PTBP2: variants seen among roughly 807,000 people sequenced by gnomAD.
The protein encoded by PTBP2 is polypyrimidine tract-binding protein 2.
PTBP2 carries 13 observed loss-of-function variants against 61.4 expected under a neutral mutation model. That is an observed-to-expected ratio of 0.21 (90% CI 0.14 to 0.34). The LOEUF (loss-of-function observed/expected upper bound fraction) is 0.34. Ranked by LOEUF, PTBP2 falls within the 10% of genes least tolerant of loss-of-function variation. The probability of loss-of-function intolerance (pLI) is 1.00; values close to 1 mark genes in which losing one functional copy is unlikely to be tolerated. For missense variants in PTBP2, 405 were observed against 642.6 expected, an observed-to-expected ratio of 0.63 and a Z score of 4.00; for synonymous variants, 215 against 218.5, an observed-to-expected ratio of 0.98 and a Z score of 0.14.
rs551450168 is a variant in PTBP2, at chr1:96,723,936, T to C, written c.39+342T>C. ...GGTAAGTGGTTTGACCTATATCTTATAATTTTGTTAATCTAAGTTTTTTGT... is the reference window on the plus strand; with the variant it reads ...GGTAAGTGGTTTGACCTATATCTTACAATTTTGTTAATCTAAGTTTTTTGT... On this transcript the variant is annotated intron_variant, in intron 2 of 13. Coordinates refer to ENST00000674951, the MANE Select transcript of PTBP2 (RefSeq NM_021190.4). Among the ~76,000 whole-genome samples the C allele has an allele frequency of 2.0e-5, 3 of 152,370 alleles. No individual in the cohort carries two copies. The South Asian group carries it at 6.2e-4, about 32-fold the overall frequency.
intron 8 of PTBP2, among the ~76,000 whole-genome samples, chr1:96,801,649 G>T (rs1393390075): frequency 6.6e-6 from 1 of 151,724 alleles, no homozygotes; most frequent in African/African-American, 2.4e-5. Context: ...GAGGTCAGGA[G>T]TTCAAGACCA....
At chr1:96,750,444 TATTTA>T (rs1380299852) in intron 2 of PTBP2, among the ~76,000 whole-genome samples, 3 of 151,950 alleles carry the variant, frequency 2.0e-5, no homozygotes, top group Non-Finnish European at 4.4e-5. Flanking sequence ...GCTCTTAAAA[TATTTA>T]AGGGAGACAA....
At chr1:96,730,509 C>G (rs544099350) in intron 2 of PTBP2, among the ~76,000 whole-genome samples, 4 of 152,012 alleles carry the variant, frequency 2.6e-5, no homozygotes, top group Non-Finnish European at 5.9e-5. Flanking sequence ...TTCCATATAT[C>G]TTTCTGTTAT....
At chr1:96,725,072 A>C (rs986704623) in intron 2 of PTBP2, among the ~76,000 whole-genome samples, 1 of 152,210 alleles carries the variant, frequency 6.6e-6, no homozygotes. Context: ...TGAGTTAGTC[A>C]TGGGATTTAA....
At chr1:96,778,038 G>A (rs956019120) in intron 7 of PTBP2, 92 bp downstream of exon 7, 9 of 508,016 alleles carry the variant, frequency 1.8e-5, no homozygotes, top group Admixed American at 1.2e-4. Context: ...ATGATATCTT[G>A]TAGCATTACA....
At chr1:96,787,504 CTAAG>C (rs538059147) in intron 8 of PTBP2, among the ~76,000 whole-genome samples, 45 of 152,210 alleles carry the variant, frequency 3.0e-4, no homozygotes, top group Non-Finnish European at 5.3e-4. Context: ...TTAGCCTTTC[CTAAG>C]TGACTTCTTT....
chr1:96,798,945 T>G (rs1447551463), intron 8 of PTBP2, among the ~76,000 whole-genome samples: 1 of 152,194 alleles, frequency 6.6e-6, no homozygotes. Flanking sequence ...ATTCTTCAGT[T>G]GAAATGAGCA....
chr1:96,723,733 T>TG (rs1354367333), intron 2 of PTBP2, 139 bp downstream of exon 2: 2 of 659,938 alleles, frequency 3.0e-6, no homozygotes, highest in Non-Finnish European at 5.1e-6. Flanking sequence ...TTTGTAAAGT[T>TG]GGACCATATA....
Position 96,813,012 on chromosome 1 carries a change from CCATT to C in PTBP2, c.1389-14_1389-11del, listed in dbSNP as rs1662223129. On this transcript the variant is annotated splice_polypyrimidine_tract_variant and intron_variant, in intron 12 of 13. Transcript: ENST00000674951. The stretch of plus-strand genomic sequence containing the variant: ...TATTCTTAATCTTCACTTTTTCTTC[CCATT>C]CAATTTTCCTAGTCCATCAGTAGCA... The C allele has an allele frequency of 6.2e-7, 1 of 1,605,024 alleles. No homozygotes were observed. The highest frequency in any genetic ancestry group is 8.5e-7 in the Non-Finnish European group (1 of 1,172,358).
intron 4 of PTBP2, 108 bp downstream of exon 4, chr1:96,769,983 A>T: frequency 7.9e-6 from 7 of 880,546 alleles, no homozygotes; most frequent in Non-Finnish European, 1.1e-5. Context: ...AAAGAACAGA[A>T]GTCTTATTCT....
intron 11 of PTBP2, among the ~76,000 whole-genome samples, chr1:96,808,371 G>T (rs1390444739): frequency 6.6e-6 from 1 of 152,086 alleles, no homozygotes; most frequent in Non-Finnish European, 1.5e-5. Flanking sequence ...CTCTTGGCTT[G>T]CAGCCAACCA....
intron 11 of PTBP2, among the ~76,000 whole-genome samples, chr1:96,809,547 C>T (rs150882041): frequency 6.6e-6 from 1 of 152,096 alleles, no homozygotes; most frequent in Non-Finnish European, 1.5e-5. Context: ...GTGTCTTGCT[C>T]TGTCCCCCAG....
chr1:96,780,062 T>C (rs1658478402), intron 7 of PTBP2, among the ~76,000 whole-genome samples: 1 of 152,066 alleles, frequency 6.6e-6, no homozygotes, highest in South Asian at 2.1e-4. Flanking sequence ...AAGAGGAAAA[T>C]CACATGGAAG....
At chr1:96,763,112 G>A (rs1339688689) in intron 3 of PTBP2, among the ~76,000 whole-genome samples, 1 of 151,378 alleles carries the variant, frequency 6.6e-6, no homozygotes, top group Non-Finnish European at 1.5e-5. Context: ...CCAGGCAGAG[G>A]GGCTCCTCAC....
intron 3 of PTBP2, among the ~76,000 whole-genome samples, chr1:96,760,292 G>A (rs1655655434): frequency 6.6e-6 from 1 of 152,010 alleles, no homozygotes. Flanking sequence ...TAGTCATCAG[G>A]TGATCACAAG....
chr1:96,806,067 AT>A (rs940052401), intron 9 of PTBP2, among the ~76,000 whole-genome samples: 10 of 151,558 alleles, frequency 6.6e-5, no homozygotes, highest in Admixed American at 3.3e-4. Flanking sequence ...CCAATTCCTT[AT>A]TTTTTTCTTC....
At position 96,802,231 on chromosome 1, in the gene PTBP2, AAAG is replaced by A. The variant is rs1257422752; in HGVS notation, c.905-2566_905-2564del. ...GTCTCGAAAAAAAAAAAAAAAAAAA[AAAG>A]AACCCACATTAACAAAAACTCCTTG... On this transcript the variant is annotated intron_variant, in intron 8 of 13. Coordinates refer to ENST00000674951, the MANE Select transcript of PTBP2 (RefSeq NM_021190.4). Among the ~76,000 whole-genome samples, 14 of 151,114 alleles carry A rather than the reference AAAG, an allele frequency of 9.3e-5. No individual in the cohort carries two copies. In the East Asian group the frequency reaches 1.6e-3, roughly 17 times the overall value.
intron 2 of PTBP2, among the ~76,000 whole-genome samples, chr1:96,740,138 G>A (rs1415286666): frequency 6.6e-6 from 1 of 152,074 alleles, no homozygotes; most frequent in East Asian, 1.9e-4. Flanking sequence ...TTCCATTGTG[G>A]TACACAAAAG....
chr1:96,773,054 G>T lies in PTBP2; in HGVS notation c.432+2203G>T, dbSNP rs537431284. The stretch of plus-strand genomic sequence containing the variant: ...AGAGAGAATTGCTTGAACCCGGGGG[G>T]GTGGAGCTTGCGGTGATCCCAGATG... On this transcript the variant is annotated intron_variant, in intron 5 of 13. Transcript: ENST00000674951. Among the ~76,000 whole-genome samples, 5 of 151,392 alleles carry T rather than the reference G, an allele frequency of 3.3e-5. No homozygotes were observed. The East Asian group carries it at 9.7e-4, about 29-fold the overall frequency.
Sources: gnomAD v4.1 joint callset for allele counts (sites outside exome capture counted in the v4.1 genomes callset) on GRCh38, gnomAD v4.1.1 for gene constraint, MANE v1.5 for transcripts, NCBI Gene and HGNC (gene_info 2026-07-23, HGNC 2026-07-21) for gene names.